The following CR1L variants were observed in gnomAD, a reference collection of about 807,000 sequenced individuals.
CR1L encodes complement C3b/C4b receptor 1 like.
Under a neutral mutation model 62.3 loss-of-function variants are expected in CR1L, and 59 were observed. That is an observed-to-expected ratio of 0.95 (90% CI 0.77 to 1.18). CR1L has a LOEUF of 1.18. CR1L is among the 50% of genes most tolerant of loss of function. CR1L has a pLI of 0.00. For synonymous variants in CR1L, 279 were observed against 248.7 expected, an observed-to-expected ratio of 1.12 and a Z score of -1.15; for missense variants, 700 against 702.8, an observed-to-expected ratio of 1.00 and a Z score of 0.04.
intron 4 of CR1L, among the ~76,000 whole-genome samples, chr1:207,691,296 A>C (rs1317759597): frequency 1.3e-5 from 2 of 152,032 alleles, no homozygotes; most frequent in African/African-American, 4.8e-5. Context: ...TTGTACATTA[A>C]TATAGCTATA....
At chr1:207,652,450 C>T (rs920032045) in intron 1 of CR1L, 1 of 738,920 alleles carries the variant, frequency 1.4e-6, no homozygotes, top group African/African-American at 1.7e-5. Flanking sequence ...AAGGGCCTTC[C>T]TATTTTTTCT....
intron 10 of CR1L, chr1:207,710,400 C>T: frequency 2.6e-6 from 4 of 1,520,924 alleles, no homozygotes; most frequent in Non-Finnish European, 3.6e-6. Context: ...TGTGGGCTAC[C>T]CCCCAACATC....
intron 1 of CR1L, among the ~76,000 whole-genome samples, chr1:207,647,726 A>G (rs1328781784): frequency 1.3e-5 from 2 of 152,136 alleles, no homozygotes; most frequent in Non-Finnish European, 2.9e-5. Context: ...TTTCTGTTGT[A>G]CCTAAAAAGC....
chr1:207,697,412 A>G (rs1664114721), intron 5 of CR1L, 91 bp from the exon 6 acceptor site: 1 of 1,607,778 alleles, frequency 6.2e-7, no homozygotes, highest in Non-Finnish European at 8.5e-7. Flanking sequence ...TGTTACATAT[A>G]GATTTGTAAT....
chr1:207,686,941 G>T (rs1558019108), intron 4 of CR1L, among the ~76,000 whole-genome samples: 1 of 152,172 alleles, frequency 6.6e-6, no homozygotes, highest in Non-Finnish European at 1.5e-5. Flanking sequence ...TGCCAGAGAG[G>T]TTGGTCCTGA....
chr1:207,707,991 G>A (rs923329882), intron 9 of CR1L, among the ~76,000 whole-genome samples, 187 bp from the exon 10 acceptor site: 7 of 152,192 alleles, frequency 4.6e-5, no homozygotes, highest in African/African-American at 1.7e-4. Flanking sequence ...AGAAGTTAGA[G>A]CAGAAATATC....
chr1:207,700,135 T>C (rs2102471976), intron 8 of CR1L, among the ~76,000 whole-genome samples: 1 of 152,340 alleles, frequency 6.6e-6, no homozygotes, highest in South Asian at 2.1e-4. Flanking sequence ...TTGCTTCATT[T>C]CTTGATTCTA....
At chr1:207,687,032 C>G (rs1207004013) in intron 4 of CR1L, among the ~76,000 whole-genome samples, 1 of 152,198 alleles carries the variant, frequency 6.6e-6, no homozygotes, top group Non-Finnish European at 1.5e-5. Flanking sequence ...GTTATAACAG[C>G]CCAAATAGAC....
At chr1:207,679,268 G>A (rs918717035) in intron 3 of CR1L, among the ~76,000 whole-genome samples, 1 of 146,818 alleles carries the variant, frequency 6.8e-6, no homozygotes, top group African/African-American at 2.5e-5. Flanking sequence ...GCCTCCCAAA[G>A]TGCTGGGATT....
intron 1 of CR1L, among the ~76,000 whole-genome samples, chr1:207,648,207 A>T (rs1663164323): frequency 2.1e-5 from 1 of 47,162 alleles, no homozygotes. Context: ...ACACACACAG[A>T]CACACACACA....
At chr1:207,646,471 G>A (rs1441668447) in intron 1 of CR1L, among the ~76,000 whole-genome samples, 1 of 152,064 alleles carries the variant, frequency 6.6e-6, no homozygotes, top group Non-Finnish European at 1.5e-5. Flanking sequence ...AGCACTTTGG[G>A]AGGCCCAAGT....
rs879908765 is a variant in CR1L at position 207,665,062 on chromosome 1, G to GT, written c.98-12318dup. ...ATGAAACGTAGTGAGCATTTTTTTG[G>GT]TTTTTTTTTGAGACGGAGTCTTGCT... On this transcript the variant is annotated intron_variant, in intron 1 of 11. Coordinates refer to ENST00000508064, the MANE Select transcript of CR1L (RefSeq NM_175710.2). Among the ~76,000 whole-genome samples, 128 of 151,332 alleles carry GT rather than the reference G, an allele frequency of 8.5e-4. 1 individual carries two copies. Among genetic ancestry groups the GT allele is most frequent in the African/African-American group, 2.8e-3 (114 of 41,230 alleles).
In CR1L at chr1:207,645,231, C is replaced by T. The variant is rs780611265; in HGVS notation, c.-3C>T. The T allele has an allele frequency of 4.3e-6, 7 of 1,612,778 alleles. No homozygotes were observed. Among genetic ancestry groups the T allele is most frequent in the Non-Finnish European group, 5.9e-6 (7 of 1,179,962 alleles). On this transcript the variant is annotated 5_prime_UTR_variant, in exon 1 of 12. Coordinates refer to ENST00000508064, the MANE Select transcript of CR1L (RefSeq NM_175710.2). The stretch of plus-strand genomic sequence containing the variant: ...ATAAATCACGGGGTCTCCCGCGCCG[C>T]TCATGGCGCCTCCCGTCCGTCTCGA...
intron 8 of CR1L, among the ~76,000 whole-genome samples, chr1:207,700,283 C>T (rs1664171152): frequency 6.6e-6 from 1 of 152,166 alleles, no homozygotes; most frequent in Admixed American, 6.5e-5. Context: ...GAGATGCTTG[C>T]TGTCTAAGAA....
At chr1:207,711,164 G>A (rs1203586598) in intron 10 of CR1L, among the ~76,000 whole-genome samples, 3 of 152,288 alleles carry the variant, frequency 2.0e-5, no homozygotes, top group Admixed American at 2.0e-4. Context: ...TCTTATTTAA[G>A]GGCTTGTGTT....
intron 1 of CR1L, among the ~76,000 whole-genome samples, chr1:207,660,196 C>G (rs370542769): frequency 9.8e-4 from 149 of 152,352 alleles, no homozygotes; most frequent in African/African-American, 3.1e-3. Flanking sequence ...CATTCGAGCT[C>G]CTATAACGGA....
chr1:207,716,970 G>A (rs1654015053), intron 10 of CR1L, among the ~76,000 whole-genome samples: 1 of 152,124 alleles, frequency 6.6e-6, no homozygotes, highest in South Asian at 2.1e-4. Context: ...TGACACCACT[G>A]GAAATTTGGT....
At chr1:207,654,355 C>A (rs1325992039) in intron 1 of CR1L, among the ~76,000 whole-genome samples, 1 of 152,080 alleles carries the variant, frequency 6.6e-6, no homozygotes, top group African/African-American at 2.4e-5. Flanking sequence ...GCTTGCTAGG[C>A]ACTATGAGGG....
At chr1:207,703,238 T>C (rs779176404) in intron 9 of CR1L, among the ~76,000 whole-genome samples, 22 of 152,162 alleles carry the variant, frequency 1.4e-4, no homozygotes, top group Non-Finnish European at 3.1e-4. Context: ...TGGACCTTCA[T>C]AGCTAGAGAG....
Sources: gnomAD v4.1 joint callset for allele counts (sites outside exome capture counted in the v4.1 genomes callset) on GRCh38, gnomAD v4.1.1 for gene constraint, MANE v1.5 for transcripts, NCBI Gene and HGNC (gene_info 2026-07-23, HGNC 2026-07-21) for gene names.